The following AGBL2 variants were observed in gnomAD, a reference collection of about 807,000 sequenced individuals.
The protein encoded by AGBL2 is cytosolic carboxypeptidase 2.
A neutral mutation model predicts 103.0 loss-of-function variants in AGBL2; 87 were observed. The observed-to-expected ratio is 0.84, with a 90% CI of 0.71 to 1.01. The LOEUF (loss-of-function observed/expected upper bound fraction) is 1.01. AGBL2 is among the 50% of genes least tolerant of loss of function. The pLI, the probability that AGBL2 is intolerant of heterozygous loss-of-function variation, is 0.00. For missense variants in AGBL2, 904 were observed against 1,023.5 expected (o/e 0.88, Z 1.59); for synonymous variants, 335 against 356.7 (o/e 0.94, Z 0.69).
At chr11:47,664,378 C>T (rs2097335616) in intron 17 of AGBL2, among the ~76,000 whole-genome samples, 1 of 151,428 alleles carries the variant, frequency 6.6e-6, no homozygotes, top group Non-Finnish European at 1.5e-5. Flanking sequence ...TCCCAAGTAG[C>T]TAGGACTACA....
chr11:47,679,384 C>A (rs1383444130), intron 13 of AGBL2, among the ~76,000 whole-genome samples: 2 of 151,704 alleles, frequency 1.3e-5, no homozygotes, highest in Non-Finnish European at 2.9e-5. Flanking sequence ...GAGTCAGATC[C>A]TGTCTCAAAA....
chr11:47,666,555 G>A (rs1239598178), intron 17 of AGBL2: 3 of 413,226 alleles, frequency 7.3e-6, no homozygotes, highest in Non-Finnish European at 1.3e-5. Flanking sequence ...AAGTCCCCGA[G>A]GCAGGGATAG....
rs1031717414 is a variant in AGBL2 at position 47,690,280 on chromosome 11, A to C, written c.1427T>G (p.Leu476Trp). The change falls in exon 10 of 19, where the codon TTG becomes TGG. Residue 476 changes from leucine to tryptophan, a missense_variant. Leu to Trp is a moderately conservative substitution (Grantham distance 61). Coordinates refer to ENST00000525123, the MANE Select transcript of AGBL2 (RefSeq NM_024783.4). ...TGGGGAGTTGCTAAGGATGAAGTCC[A>C]AAAAGCCTTTCATAACCCAGGAGCC... is the stretch of plus-strand genomic sequence containing the variant. ...SNGSWVMKGFLDFILSNSPDA... is the reference protein window; with the variant it reads ...SNGSWVMKGFWDFILSNSPDA... The C allele has an allele frequency of 7.4e-6, 12 of 1,613,702 alleles. No homozygotes were observed. The highest frequency in any genetic ancestry group is 1.0e-5 in the Non-Finnish European group (12 of 1,179,946).
intron 8 of AGBL2, among the ~76,000 whole-genome samples, chr11:47,692,474 C>A (rs1001176120): frequency 2.3e-5 from 3 of 129,314 alleles, no homozygotes; most frequent in Non-Finnish European, 4.6e-5. Context: ...TGCAGTGACA[C>A]GATCTTGGCT....
intron 8 of AGBL2, among the ~76,000 whole-genome samples, chr11:47,696,305 C>G (rs1298366914): frequency 6.6e-6 from 1 of 151,858 alleles, no homozygotes; most frequent in Non-Finnish European, 1.5e-5. Flanking sequence ...CTGTGTTGCC[C>G]AGGCTGGAGT....
chr11:47,662,585 C>G (rs577951351), intron 18 of AGBL2, among the ~76,000 whole-genome samples: 1 of 150,288 alleles, frequency 6.7e-6, no homozygotes, highest in African/African-American at 2.5e-5. Flanking sequence ...CTCTGCCTCC[C>G]GGGTTCAAGC....
rs2097439208 is a variant in AGBL2 at position 47,690,175 on chromosome 11, T to TA, written c.1531dup (p.Tyr511LeufsTer15). ...ATCCCTTCCGGCCAAGGAACACCGA[T>TA]AATTCCCCACAATCACACCATCTGG... On this transcript the variant is annotated frameshift_variant, in exon 10 of 19. Transcript: ENST00000525123. LOFTEE classifies it high-confidence loss of function. The TA allele has an allele frequency of 6.2e-7, 1 of 1,614,066 alleles. No homozygotes were observed. Among genetic ancestry groups the TA allele is most frequent in the Admixed American group, 1.7e-5 (1 of 59,986 alleles).
rs891208799 is a variant in AGBL2, at chr11:47,707,342, G to A, written c.233-1425C>T. On this transcript the variant is annotated intron_variant, in intron 4 of 18. Transcript: ENST00000525123. ...CTGAAAAAGACATACCTGAGACTGG[G>A]CAATTTACAAAAGAAAGAGGTTTAA... Among the ~76,000 whole-genome samples, 6 of 152,286 alleles carry A rather than the reference G, an allele frequency of 3.9e-5. No homozygotes were observed. In the South Asian group the frequency reaches 6.2e-4, roughly 16 times the overall value.
chr11:47,682,201 T>C lies in AGBL2; in HGVS notation c.1789-106A>G, dbSNP rs540679723. ...TAATTTCCTTGGGGTCCATATGTTATTTCCCAAAGCATGTTCCACAAAATA... is the reference window on the plus strand; with the variant it reads ...TAATTTCCTTGGGGTCCATATGTTACTTCCCAAAGCATGTTCCACAAAATA... On this transcript the variant is annotated intron_variant, in intron 11 of 18. Transcript: ENST00000525123. 21 of 1,158,256 alleles carry C rather than the reference T, an allele frequency of 1.8e-5. No homozygotes were observed. In the African/African-American group the frequency reaches 2.9e-4, roughly 16 times the overall value. The allele number at this position is 1,158,256 out of a possible 1,614,324, so 71.7% of individuals were successfully genotyped here. A position where few individuals can be genotyped will look rare whatever the true frequency, so the allele number is the denominator to read the frequency against.
In AGBL2 at chr11:47,714,318, C is replaced by T. The variant is rs1264205656; in HGVS notation, c.63G>A (p.Met21Ile). 6.2e-7 allele frequency: 1 copy of T among 1,612,272 alleles called. No homozygotes were observed. Among genetic ancestry groups the T allele is most frequent in the Admixed American group, 1.7e-5 (1 of 59,708 alleles). Residue 21 changes from methionine to isoleucine, a missense_variant, in exon 3 of 19, where the codon ATG (methionine) becomes ATA (isoleucine). Met to Ile is a conservative substitution (Grantham distance 10, BLOSUM62 1). Coordinates refer to ENST00000525123, the MANE Select transcript of AGBL2 (RefSeq NM_024783.4). ...QTIPDPYEDFMYRHLQYYGYF... is the reference protein window; with the variant it reads ...QTIPDPYEDFIYRHLQYYGYF... ...AGCCATAATATTGGAGGTGACGGTA[C>T]ATAAAGTCTTCATAAGGATCAGGAA...
At chr11:47,697,873 T>A (rs980893874) in intron 8 of AGBL2, among the ~76,000 whole-genome samples, 1 of 151,182 alleles carries the variant, frequency 6.6e-6, no homozygotes, top group Non-Finnish European at 1.5e-5. Flanking sequence ...TTATTTTTTT[T>A]TAATGAGACG....
chr11:47,714,418 G>T (rs536033014), intron 2 of AGBL2, 71 bp from the exon 3 acceptor site: 15 of 1,463,692 alleles, frequency 1.0e-5, no homozygotes, highest in South Asian at 2.3e-5. Context: ...AAAAGTACAT[G>T]AGCGTTGTTG....
intron 9 of AGBL2, among the ~76,000 whole-genome samples, chr11:47,691,135 G>A (rs1418553206): frequency 4.0e-5 from 6 of 151,492 alleles, no homozygotes; most frequent in African/African-American, 1.2e-4. Context: ...GTGGTGGCGG[G>A]TGCCTGTAAT....
At chr11:47,713,358 A>G (rs1331437232) in intron 3 of AGBL2, among the ~76,000 whole-genome samples, 4 of 147,294 alleles carry the variant, frequency 2.7e-5, no homozygotes, top group Non-Finnish European at 4.5e-5. Context: ...AAAAAAAAAA[A>G]AAAGAAAGAA....
chr11:47,673,938 A>G (rs1314080253), intron 14 of AGBL2, among the ~76,000 whole-genome samples: 1 of 149,708 alleles, frequency 6.7e-6, no homozygotes, highest in Non-Finnish European at 1.5e-5. Context: ...CATCTCTACT[A>G]AAAATTAGCC....
At chr11:47,667,236 C>G (rs1456215054) in intron 16 of AGBL2, among the ~76,000 whole-genome samples, 173 bp from the exon 17 acceptor site, 1 of 152,214 alleles carries the variant, frequency 6.6e-6, no homozygotes, top group Admixed American at 6.6e-5. Flanking sequence ...CTGTCTTAGC[C>G]TGGACCAGGC....
At chr11:47,685,771 T>A in intron 11 of AGBL2, 122 bp downstream of exon 11, 2 of 1,088,220 alleles carry the variant, frequency 1.8e-6, no homozygotes, top group East Asian at 4.8e-5. Flanking sequence ...AAGTCTAGGT[T>A]GCTCGGATTT....
intron 14 of AGBL2, among the ~76,000 whole-genome samples, chr11:47,672,631 G>C (rs536277483): frequency 6.6e-6 from 1 of 152,138 alleles, no homozygotes; most frequent in African/African-American, 2.4e-5. Flanking sequence ...TTGTTTTTGA[G>C]GGTGTATTTG....
At chr11:47,661,100 T>C (rs1032787334) in intron 18 of AGBL2, among the ~76,000 whole-genome samples, 2 of 151,882 alleles carry the variant, frequency 1.3e-5, no homozygotes, top group African/African-American at 4.8e-5. Context: ...CAGGCAGAGG[T>C]TGCAGTGAGC....
Sources: gnomAD v4.1 joint callset for allele counts (sites outside exome capture counted in the v4.1 genomes callset) on GRCh38, gnomAD v4.1.1 for gene constraint, MANE v1.5 for transcripts, NCBI Gene and HGNC (gene_info 2026-07-23, HGNC 2026-07-21) for gene names.